Variants in MRTFB observed in about 807,000 individuals in gnomAD.
MRTFB encodes the protein myocardin-related transcription factor B.
A neutral mutation model predicts 104.2 loss-of-function variants in MRTFB; 29 were observed. That is an observed-to-expected ratio of 0.28 (90% CI 0.21 to 0.38). MRTFB has a LOEUF of 0.38. Among genes scored for constraint, MRTFB ranks in the 10% least tolerant of loss-of-function variants. The pLI is 1.00. For synonymous variants in MRTFB, 535 were observed against 519.5 expected (o/e 1.03, Z -0.41); for missense variants, 1,270 against 1,341.6 (o/e 0.95, Z 0.83).
intron 3 of MRTFB, among the ~76,000 whole-genome samples, chr16:14,183,513 G>A (rs1282310665): frequency 2.0e-5 from 3 of 151,596 alleles, no homozygotes; most frequent in Non-Finnish European, 4.4e-5. Context: ...TTATGTGTTT[G>A]TTTTTTTTCT....
intron 8 of MRTFB, among the ~76,000 whole-genome samples, chr16:14,231,790 C>G (rs929231698): frequency 6.6e-6 from 1 of 152,134 alleles, no homozygotes; most frequent in Non-Finnish European, 1.5e-5. Context: ...CCCCTTGATA[C>G]GGTCTAAGTG....
chr16:14,070,560 C>G (rs1025037568), upstream of MRTFB, among the ~76,000 whole-genome samples: 7 of 152,224 alleles, frequency 4.6e-5, no homozygotes, highest in African/African-American at 1.4e-4. Flanking sequence ...GGGAGTGGCA[C>G]AGGGGCTTCA....
chr16:14,098,352 A>T (rs2035509785), intron 2 of MRTFB, among the ~76,000 whole-genome samples: 1 of 152,184 alleles, frequency 6.6e-6, no homozygotes, highest in South Asian at 2.1e-4. Context: ...GCATATTTTC[A>T]TGTACTTATT....
chr16:14,239,795 C>G (rs909722987), intron 9 of MRTFB, among the ~76,000 whole-genome samples: 22 of 152,200 alleles, frequency 1.4e-4, no homozygotes, highest in African/African-American at 5.3e-4. Context: ...GTTTTCTTCT[C>G]ATTGGAAGCA....
At chr16:14,138,072 A>G (rs2037811797) in intron 2 of MRTFB, among the ~76,000 whole-genome samples, 1 of 152,110 alleles carries the variant, frequency 6.6e-6, no homozygotes, top group Admixed American at 6.6e-5. Context: ...AGATCTTCTC[A>G]GTCTACTTAA....
intron 3 of MRTFB, chr16:14,141,074 C>T (rs868450931): frequency 3.9e-5 from 10 of 253,208 alleles, no homozygotes; most frequent in Non-Finnish European, 4.6e-5. Flanking sequence ...GTGCTGATGC[C>T]GGGGAAGTAC....
intron 3 of MRTFB, among the ~76,000 whole-genome samples, chr16:14,144,992 A>ATGTG (rs72043245): frequency 5.7e-5 from 6 of 106,024 alleles, no homozygotes; most frequent in African/African-American, 4.3e-4. Context: ...ATATATATAT[A>ATGTG]TATGTATATA....
intron 2 of MRTFB, among the ~76,000 whole-genome samples, chr16:14,138,175 T>G (rs754152400): frequency 6.6e-6 from 1 of 152,198 alleles, no homozygotes; most frequent in Non-Finnish European, 1.5e-5. Flanking sequence ...ATAGTTGTCA[T>G]GTATATTACA....
the MRTFB span, among the ~76,000 whole-genome samples, chr16:14,048,323 A>G: frequency 3.9e-5 from 6 of 152,204 alleles, no homozygotes. Flanking sequence ...GGATAATGGG[A>G]TAGAGGGCTC....
chr16:14,061,426 CA>C, the MRTFB span, among the ~76,000 whole-genome samples: 1 of 152,106 alleles, frequency 6.6e-6, no homozygotes, highest in African/African-American at 2.4e-5. Context: ...GTGAACAGCA[CA>C]GATAACTACC....
At chr16:14,031,750 A>C in the MRTFB span, among the ~76,000 whole-genome samples, 2 of 152,100 alleles carry the variant, frequency 1.3e-5, no homozygotes, top group Admixed American at 1.3e-4. Context: ...CAGGGTAATA[A>C]AGGTGTCATT....
At chr16:14,043,961 G>T in the MRTFB span, among the ~76,000 whole-genome samples, 2 of 152,176 alleles carry the variant, frequency 1.3e-5, no homozygotes, top group African/African-American at 4.8e-5. Flanking sequence ...AACCAGACTG[G>T]GAGTATCACG....
chr16:14,106,485 G>A (rs978254403), intron 2 of MRTFB, among the ~76,000 whole-genome samples: 4 of 152,142 alleles, frequency 2.6e-5, no homozygotes, highest in Non-Finnish European at 2.9e-5. Flanking sequence ...CTGATCGAGT[G>A]TAGACTGAAT....
At chr16:14,021,480 A>G in the MRTFB span, among the ~76,000 whole-genome samples, 5 of 152,138 alleles carry the variant, frequency 3.3e-5, no homozygotes, top group African/African-American at 4.8e-5. Flanking sequence ...TTACATGAGT[A>G]AGTTCTTTAG....
chr16:14,161,020 C>A (rs760425473), intron 3 of MRTFB, among the ~76,000 whole-genome samples: 1 of 144,322 alleles, frequency 6.9e-6, no homozygotes, highest in Non-Finnish European at 1.5e-5. Flanking sequence ...GAGAAATAGA[C>A]ATGTTTTTTG....
chr16:14,217,328 A>G, intron 7 of MRTFB, 41 bp downstream of exon 7: 1 of 1,538,798 alleles, frequency 6.5e-7, no homozygotes, highest in South Asian at 1.3e-5. Context: ...GAGAAAGAGA[A>G]ACTTGGAAAT....
At chr16:14,192,141 G>A (rs1007293456) in intron 3 of MRTFB, among the ~76,000 whole-genome samples, 7 of 151,804 alleles carry the variant, frequency 4.6e-5, no homozygotes, top group African/African-American at 1.7e-4. Context: ...GGAGTCTGAG[G>A]CAGGAGGATC....
At chr16:14,160,594 G>A (rs1471325608) in intron 3 of MRTFB, among the ~76,000 whole-genome samples, 2 of 152,000 alleles carry the variant, frequency 1.3e-5, no homozygotes, top group East Asian at 3.8e-4. Context: ...TGATTTGAAT[G>A]ATGATTATTC....
chr16:14,006,571 A>T, the MRTFB span, among the ~76,000 whole-genome samples: 1 of 151,872 alleles, frequency 6.6e-6, no homozygotes, highest in Non-Finnish European at 1.5e-5. Flanking sequence ...TCTCTCATGC[A>T]CTAACCATTT....
Sources: gnomAD v4.1 joint callset for allele counts (sites outside exome capture counted in the v4.1 genomes callset) on GRCh38, gnomAD v4.1.1 for gene constraint, MANE v1.5 for transcripts, NCBI Gene and HGNC (gene_info 2026-07-23, HGNC 2026-07-21) for gene names.